Variants in PITPNC1 observed in about 807,000 individuals in gnomAD.
PITPNC1 encodes phosphatidylinositol transfer protein cytoplasmic 1.
A neutral mutation model predicts 44.7 loss-of-function variants in PITPNC1; 18 were observed. The ratio of observed to expected loss-of-function variants is 0.40; its 90% CI spans 0.28 to 0.60. The LOEUF is 0.60. PITPNC1 is among the 20% of genes least tolerant of loss of function. PITPNC1 has a pLI of 0.39. For synonymous variants in PITPNC1, 141 were observed against 149.6 expected (o/e 0.94, Z 0.42); for missense variants, 290 against 418.4 (o/e 0.69, Z 2.68).
chr17:67,530,161 T>C (rs2886068), intron 1 of PITPNC1, among the ~76,000 whole-genome samples: 1 of 145,464 alleles, frequency 6.9e-6, no homozygotes, highest in Non-Finnish European at 1.5e-5. Flanking sequence ...GTGTGATCTC[T>C]GCTCACTGCA....
At chr17:67,476,933 C>G (rs2039638660) in intron 1 of PITPNC1, among the ~76,000 whole-genome samples, 1 of 152,216 alleles carries the variant, frequency 6.6e-6, no homozygotes, top group African/African-American at 2.4e-5. Context: ...AATGCAGAGT[C>G]TCAGGCCCCA....
intron 2 of PITPNC1, 51 bp from the exon 3 acceptor site, chr17:67,552,206 G>C: frequency 1.1e-6 from 1 of 885,100 alleles, no homozygotes; most frequent in Non-Finnish European, 1.9e-6. Context: ...GTGGTAGTGT[G>C]GTGAGACTCT....
chr17:67,572,817 A>C (rs2041081492), intron 4 of PITPNC1, among the ~76,000 whole-genome samples: 1 of 151,114 alleles, frequency 6.6e-6, no homozygotes, highest in African/African-American at 2.4e-5. Flanking sequence ...ACCTACCTAG[A>C]TTTAGGGTGG....
chr17:67,691,823 T>G (rs2042932383), intron 8 of PITPNC1, among the ~76,000 whole-genome samples: 1 of 152,112 alleles, frequency 6.6e-6, no homozygotes, highest in Admixed American at 6.5e-5. Flanking sequence ...CTAGGCAACA[T>G]AGCGAGACCC....
At chr17:67,563,540 G>A (rs2040933583) in intron 4 of PITPNC1, among the ~76,000 whole-genome samples, 1 of 152,220 alleles carries the variant, frequency 6.6e-6, no homozygotes, top group Non-Finnish European at 1.5e-5. Context: ...TTACTGGGCT[G>A]AGGGTTCTTC....
chr17:67,658,238 A>T (rs1169689857), intron 6 of PITPNC1, among the ~76,000 whole-genome samples: 1 of 152,244 alleles, frequency 6.6e-6, no homozygotes, highest in African/African-American at 2.4e-5. Flanking sequence ...CTGAAAGCCA[A>T]GCTACAGGTT....
At chr17:67,412,765 C>T (rs917891024) in intron 1 of PITPNC1, among the ~76,000 whole-genome samples, 1 of 152,172 alleles carries the variant, frequency 6.6e-6, no homozygotes, top group Non-Finnish European at 1.5e-5. Context: ...GGGGTTTCTC[C>T]ATGTTGTCCA....
At chr17:67,593,903 A>C (rs923502756) in intron 5 of PITPNC1, among the ~76,000 whole-genome samples, 3 of 152,184 alleles carry the variant, frequency 2.0e-5, no homozygotes, top group Non-Finnish European at 4.4e-5. Flanking sequence ...GTCACTTAAA[A>C]AAAATAAGGC....
At chr17:67,437,339 G>C (rs934842395) in intron 1 of PITPNC1, among the ~76,000 whole-genome samples, 3 of 152,074 alleles carry the variant, frequency 2.0e-5, no homozygotes, top group Non-Finnish European at 4.4e-5. Flanking sequence ...CGGACATAGA[G>C]AGACACAGGG....
chr17:67,472,787 A>G (rs1437135369), intron 1 of PITPNC1, among the ~76,000 whole-genome samples: 1 of 152,054 alleles, frequency 6.6e-6, no homozygotes, highest in Non-Finnish European at 1.5e-5. Context: ...GAAGTGAGTC[A>G]CTCAGGGGAG....
chr17:67,691,851 CA>C (rs768837851), intron 8 of PITPNC1, among the ~76,000 whole-genome samples: 2 of 151,818 alleles, frequency 1.3e-5, no homozygotes, highest in South Asian at 4.2e-4. Flanking sequence ...ACAGAAAATA[CA>C]AAAAAATTAA....
At chr17:67,507,213 T>G (rs2144081182) in intron 1 of PITPNC1, among the ~76,000 whole-genome samples, 1 of 152,128 alleles carries the variant, frequency 6.6e-6, no homozygotes, top group African/African-American at 2.4e-5. Context: ...GAAGCCACGC[T>G]GAGAATGTGT....
chr17:67,378,872 C>A, intron 1 of PITPNC1: 1 of 523,120 alleles, frequency 1.9e-6, no homozygotes, highest in Non-Finnish European at 2.5e-6. Context: ...CCGGGAGCGG[C>A]GGGGGCTGCG....
At chr17:67,677,352 TTC>T (rs2042620975) in intron 8 of PITPNC1, among the ~76,000 whole-genome samples, 1 of 152,164 alleles carries the variant, frequency 6.6e-6, no homozygotes, top group Admixed American at 6.6e-5. Context: ...TTGGATAGGT[TTC>T]TCTCTGTTGC....
At chr17:67,484,676 G>C (rs2039752640) in intron 1 of PITPNC1, among the ~76,000 whole-genome samples, 1 of 152,172 alleles carries the variant, frequency 6.6e-6, no homozygotes, top group Non-Finnish European at 1.5e-5. Context: ...AGTGGCTCAT[G>C]CCTGTAATCT....
At chr17:67,396,145 G>A (rs2038216891) in intron 1 of PITPNC1, among the ~76,000 whole-genome samples, 1 of 152,110 alleles carries the variant, frequency 6.6e-6, no homozygotes, top group Admixed American at 6.6e-5. Context: ...GCTTGGTGGT[G>A]GTTGTGTGTG....
At chr17:67,600,997 A>T (rs1598872332) in intron 5 of PITPNC1, among the ~76,000 whole-genome samples, 1 of 152,096 alleles carries the variant, frequency 6.6e-6, no homozygotes, top group Admixed American at 6.5e-5. Flanking sequence ...TAACTCATTA[A>T]TCCTCTAATA....
At chr17:67,386,825 C>G (rs1245711632) in intron 1 of PITPNC1, among the ~76,000 whole-genome samples, 1 of 152,054 alleles carries the variant, frequency 6.6e-6, no homozygotes, top group African/African-American at 2.4e-5. Context: ...GAGAAACAGA[C>G]TGAGTTCTAG....
intron 5 of PITPNC1, among the ~76,000 whole-genome samples, chr17:67,624,704 A>G (rs2642054): frequency 0.7 from 107,074 of 151,884 alleles, 37,908 homozygotes; most frequent in South Asian, 0.74. Flanking sequence ...GTATTTTTTA[A>G]TAGAGACTGG....
Sources: gnomAD v4.1 joint callset for allele counts (sites outside exome capture counted in the v4.1 genomes callset) on GRCh38, gnomAD v4.1.1 for gene constraint, MANE v1.5 for transcripts, NCBI Gene and HGNC (gene_info 2026-07-23, HGNC 2026-07-21) for gene names.